DPH6: variants seen among roughly 807,000 people sequenced by gnomAD.
The protein encoded by DPH6 is diphthine--ammonia ligase.
In DPH6, 33 loss-of-function variants were observed where a neutral mutation model predicts 38.2. The observed-to-expected ratio is 0.86, with a 90% CI of 0.65 to 1.15. The LOEUF (loss-of-function observed/expected upper bound fraction) is 1.15, where lower values mean the gene tolerates loss of function less well. Among genes scored for constraint, DPH6 ranks in the 50% most tolerant of loss-of-function variants. DPH6 has a pLI of 0.00. For missense variants in DPH6, 325 were observed against 320.0 expected, an observed-to-expected ratio of 1.02 and a Z score of -0.12; for synonymous variants, 108 against 103.0, an observed-to-expected ratio of 1.05 and a Z score of -0.30.
chr15:35,224,017 A>G (rs1274535041), intron 3 of DPH6, among the ~76,000 whole-genome samples: 1 of 151,500 alleles, frequency 6.6e-6, no homozygotes, highest in Non-Finnish European at 1.5e-5. Context: ...AGAACCATAT[A>G]GCATGTAGCC....
intron 6 of DPH6, among the ~76,000 whole-genome samples, chr15:35,387,369 T>G (rs1269401297): frequency 6.6e-6 from 1 of 152,234 alleles, no homozygotes; most frequent in Non-Finnish European, 1.5e-5. Context: ...TTTTTTCCAA[T>G]TCTGTGAAGA....
intron 5 of DPH6, among the ~76,000 whole-genome samples, chr15:35,446,703 C>T (rs1266160338): frequency 1.3e-5 from 2 of 152,004 alleles, no homozygotes; most frequent in East Asian, 1.9e-4. Flanking sequence ...TTTTACGTGG[C>T]TTTTTAACTG....
intron 3 of DPH6, among the ~76,000 whole-genome samples, chr15:35,229,750 T>A (rs182558414): frequency 2.6e-4 from 40 of 152,346 alleles, no homozygotes; most frequent in Non-Finnish European, 4.3e-4. Context: ...ATCTGCTTTT[T>A]GGCACCCAAA....
chr15:35,387,052 C>T (rs1045819019), intron 6 of DPH6, among the ~76,000 whole-genome samples: 8 of 152,154 alleles, frequency 5.3e-5, no homozygotes, highest in South Asian at 2.1e-4. Context: ...TTTCAGCTTT[C>T]TACATGTAGC....
rs72708952 is a variant in DPH6 at position 35,320,547 on chromosome 15, G to A, written n.200+52974C>T. On this transcript the variant is annotated intron_variant and non_coding_transcript_variant, in intron 3 of 3. Coordinates refer to the DPH6 transcript ENST00000560386. ...ACTGCTTTGCAAGGAGAGTGCTGGT[G>A]CAATTGTTTTACTACCCTATAATTA... 1.8e-3 allele frequency among the ~76,000 whole-genome samples: 270 copies of A among 152,320 alleles called. 1 individual carries two copies. The highest frequency in any genetic ancestry group is 5.0e-3 in the East Asian group (26 of 5,180).
chr15:35,447,991 T>C lies in DPH6; in HGVS notation c.505+2694A>G, dbSNP rs375102477. Among the ~76,000 whole-genome samples, 12 of 152,214 alleles carry C rather than the reference T, an allele frequency of 7.9e-5. No individual in the cohort carries two copies. In the East Asian group the frequency reaches 2.3e-3, roughly 29 times the overall value. ...AACCCTTAAACCAGTATAGTTTTTC[T>C]AGTGATCAATTTAGTTACTTTGCAA... On this transcript the variant is annotated intron_variant, in intron 5 of 8. Coordinates refer to ENST00000256538, the MANE Select transcript of DPH6 (RefSeq NM_080650.4).
the DPH6 span, among the ~76,000 whole-genome samples, chr15:35,165,948 T>C: frequency 5.1e-4 from 77 of 152,084 alleles, 1 homozygote; most frequent in East Asian, 0.013. Context: ...TCAGTTAATT[T>C]GGGGGCAGGT....
the DPH6 span, among the ~76,000 whole-genome samples, chr15:35,181,552 T>G: frequency 6.6e-6 from 1 of 151,958 alleles, no homozygotes; most frequent in African/African-American, 2.4e-5. Context: ...TCAATTGAGA[T>G]TATGATTGAC....
At chr15:35,287,930 A>C (rs528634400) in intron 3 of DPH6, among the ~76,000 whole-genome samples, 5 of 152,318 alleles carry the variant, frequency 3.3e-5, no homozygotes, top group African/African-American at 1.2e-4. Context: ...TGGATAGAAG[A>C]AATTTCTAAA....
intron 6 of DPH6, among the ~76,000 whole-genome samples, chr15:35,389,536 G>A (rs1352133630): frequency 1.3e-5 from 2 of 152,160 alleles, no homozygotes; most frequent in Non-Finnish European, 2.9e-5. Context: ...TGTATTGGGT[G>A]CATATATATT....
Position 35,513,040 on chromosome 15 carries a change from AC to A in DPH6, c.312+25233del, listed in dbSNP as rs926064774. On this transcript the variant is annotated intron_variant, in intron 3 of 8. Transcript: ENST00000256538. The stretch of plus-strand genomic sequence containing the variant: ...TATTAAGTAATCATTAAATTATCTT[AC>A]TGAAGAGATTTTCACGGCATAGAAA... Among the ~76,000 whole-genome samples, 47 of 152,118 alleles carry A rather than the reference AC, an allele frequency of 3.1e-4. 1 individual carries two copies. Among genetic ancestry groups the A allele is most frequent in the Non-Finnish European group, 1.2e-4 (8 of 67,942 alleles).
At chr15:35,384,813 T>C (rs113924537) in intron 6 of DPH6, among the ~76,000 whole-genome samples, 2 of 152,020 alleles carry the variant, frequency 1.3e-5, no homozygotes, top group African/African-American at 4.8e-5. Flanking sequence ...CAAAAGAAAC[T>C]ATCATCAGAG....
chr15:35,515,164 T>C (rs2054827900), intron 3 of DPH6, among the ~76,000 whole-genome samples: 1 of 151,988 alleles, frequency 6.6e-6, no homozygotes, highest in Non-Finnish European at 1.5e-5. Context: ...TATCTTAACA[T>C]TCTACAACTT....
At chr15:35,303,694 TAA>T (rs879731153) in intron 3 of DPH6, among the ~76,000 whole-genome samples, 30 of 141,752 alleles carry the variant, frequency 2.1e-4, no homozygotes, top group Non-Finnish European at 1.7e-4. Context: ...GCTCTGGAGT[TAA>T]AAAAAAAAAA....
chr15:35,282,653 C>T, intron 3 of DPH6: 1 of 419,058 alleles, frequency 2.4e-6, no homozygotes, highest in Non-Finnish European at 5.0e-6. Flanking sequence ...GCATTACTAC[C>T]AGTTATTTCA....
In DPH6 at chr15:35,371,639, T is replaced by C. The variant is rs558739278; in HGVS notation, c.*511A>G. The C allele has an allele frequency of 6.3e-5, 62 of 984,188 alleles. No individual in the cohort carries two copies. In the African/African-American group the frequency reaches 1.1e-3, roughly 17 times the overall value. 61.0% of individuals were successfully genotyped at this position (984,188 alleles called of 1,614,324 possible). On this transcript the variant is annotated 3_prime_UTR_variant, in exon 9 of 9. Coordinates refer to ENST00000256538, the MANE Select transcript of DPH6 (RefSeq NM_080650.4). ...TAAGAGTTAAGGACATTCTTCCTAATTGTCCAATAACGTTGAAACACTTCA... is the reference window on the plus strand; with the variant it reads ...TAAGAGTTAAGGACATTCTTCCTAACTGTCCAATAACGTTGAAACACTTCA...
In DPH6 at chr15:35,235,294, C is replaced by T. The variant is rs548382287; in HGVS notation, n.201-14712G>A. On this transcript the variant is annotated intron_variant and non_coding_transcript_variant, in intron 3 of 3. Coordinates refer to the DPH6 transcript ENST00000560386. ...ACAACCTTGTGGTATAAAGTATATT[C>T]CAGAGTTCCCATGCAAGACAACTTT... 1.4e-4 allele frequency among the ~76,000 whole-genome samples: 21 copies of T among 152,284 alleles called. 1 individual carries two copies. In the East Asian group the frequency reaches 3.9e-3, roughly 28 times the overall value.
rs1389672443 is a variant in DPH6, at chr15:35,546,100, G to A, written c.23+19C>T. 2 of 1,387,432 alleles carry A rather than the reference G, an allele frequency of 1.4e-6. No individual in the cohort carries two copies. The highest frequency in any genetic ancestry group is 1.9e-6 in the Non-Finnish European group (2 of 1,054,938). 85.9% of individuals were successfully genotyped at this position (1,387,432 alleles called of 1,614,324 possible). On this transcript the variant is annotated intron_variant, in intron 1 of 8. Coordinates refer to ENST00000256538, the MANE Select transcript of DPH6 (RefSeq NM_080650.4). ...GAGCCTGGCCTAGGAGGAAGGAGGC[G>A]GCTCCAGGACCGCATTACCTGATCA...
chr15:35,333,586 AT>A (rs1445885091), intron 3 of DPH6, among the ~76,000 whole-genome samples: 1 of 152,184 alleles, frequency 6.6e-6, no homozygotes, highest in Non-Finnish European at 1.5e-5. Context: ...AATATACATG[AT>A]GAAACTTAAA....
Sources: allele counts gnomAD v4.1 joint callset (sites outside exome capture counted in the v4.1 genomes callset), GRCh38; gene constraint gnomAD v4.1.1; transcripts MANE v1.5; gene names NCBI Gene and HGNC (gene_info 2026-07-23, HGNC 2026-07-21).